CCDC73: variants seen among roughly 807,000 people sequenced by gnomAD.
CCDC73 encodes coiled-coil domain containing 73, also known as coiled-coil domain-containing protein 73.
Under a neutral mutation model 116.5 loss-of-function variants are expected in CCDC73, and 95 were observed. That is an observed-to-expected ratio of 0.82 (90% CI 0.69 to 0.97). CCDC73 has a LOEUF of 0.97. Among genes scored for constraint, CCDC73 ranks in the 50% least tolerant of loss-of-function variants. CCDC73 has a pLI of 0.00. For missense variants in CCDC73, 1,066 were observed against 1,206.8 expected, an observed-to-expected ratio of 0.88 and a Z score of 1.73; for synonymous variants, 398 against 401.3, an observed-to-expected ratio of 0.99 and a Z score of 0.10.
Position 32,614,750 on chromosome 11 carries a change from T to C in CCDC73, c.1568A>G (p.Glu523Gly). 1 of 1,613,250 alleles carries C rather than the reference T, an allele frequency of 6.2e-7. No homozygotes were observed. ...AAATTCTGTACATCCATTGTCTTTT[T>C]CCAAGCATATCTTGTCTTTTATTTC... Reference protein sequence around the residue: ...TTEIKDKICLEKDNGCTEFKS... With the variant: ...TTEIKDKICLGKDNGCTEFKS... Residue 523 changes from glutamate (E) to glycine (G), a missense_variant, in exon 16 of 18, where the codon GAA becomes GGA. Coordinates refer to ENST00000335185, the MANE Select transcript of CCDC73 (RefSeq NM_001008391.4).
chr11:32,784,405 A>G (rs1252757545), intron 1 of CCDC73, among the ~76,000 whole-genome samples: 1 of 152,216 alleles, frequency 6.6e-6, no homozygotes, highest in African/African-American at 2.4e-5. Flanking sequence ...AGAATATTAC[A>G]ATAGTTCAGC....
chr11:32,638,038 A>G (rs1855697911), intron 13 of CCDC73, among the ~76,000 whole-genome samples: 1 of 152,176 alleles, frequency 6.6e-6, no homozygotes, highest in African/African-American at 2.4e-5. Flanking sequence ...GAGTTATACC[A>G]ACCTGAGACT....
At chr11:32,675,828 A>G (rs1458835946) in intron 8 of CCDC73, 58 bp downstream of exon 8, 4 of 1,405,564 alleles carry the variant, frequency 2.8e-6, no homozygotes, top group Middle Eastern at 1.9e-4. Context: ...TTCATAGTAA[A>G]TAAGTCCATT....
At chr11:32,771,981 G>C (rs113940143) in intron 1 of CCDC73, among the ~76,000 whole-genome samples, 4 of 152,276 alleles carry the variant, frequency 2.6e-5, no homozygotes, top group African/African-American at 9.6e-5. Flanking sequence ...CATGGAGAGA[G>C]GAGGCCCAGC....
At chr11:32,775,509 C>A (rs1590641998) in intron 1 of CCDC73, among the ~76,000 whole-genome samples, 1 of 152,240 alleles carries the variant, frequency 6.6e-6, no homozygotes, top group East Asian at 1.9e-4. Flanking sequence ...TATTATACCT[C>A]CTCCTTTAAA....
intron 12 of CCDC73, among the ~76,000 whole-genome samples, chr11:32,650,677 G>A (rs1429311925): frequency 6.6e-6 from 1 of 152,080 alleles, no homozygotes; most frequent in Non-Finnish European, 1.5e-5. Context: ...TCTGACATTA[G>A]GATACCACCT....
upstream of CCDC73, among the ~76,000 whole-genome samples, chr11:32,797,446 GTC>G (rs1183536178): frequency 6.6e-6 from 1 of 152,080 alleles, no homozygotes; most frequent in Non-Finnish European, 1.5e-5. Context: ...GCTCTTTACT[GTC>G]TCTAGGCCTA....
chr11:32,675,835 C>CTACTATTCTACAT, intron 8 of CCDC73, 51 bp downstream of exon 8: 1 of 1,432,020 alleles, frequency 7.0e-7, no homozygotes, highest in Non-Finnish European at 9.5e-7. Context: ...TAAATAAGTC[C>CTACTATTCTACAT]ATTCAAACAT....
At chr11:32,640,752 T>C (rs968264990) in intron 13 of CCDC73, among the ~76,000 whole-genome samples, 7 of 152,182 alleles carry the variant, frequency 4.6e-5, no homozygotes, top group African/African-American at 1.7e-4. Flanking sequence ...GCGATGTGGC[T>C]CACGCCTGTA....
chr11:32,713,224 C>A (rs1849917355), intron 3 of CCDC73, among the ~76,000 whole-genome samples: 2 of 151,968 alleles, frequency 1.3e-5, no homozygotes, highest in African/African-American at 2.4e-5. Context: ...CAACTGACCC[C>A]TAAATCATGA....
intron 1 of CCDC73, among the ~76,000 whole-genome samples, chr11:32,792,615 T>C (rs1039646491): frequency 7.9e-5 from 12 of 152,296 alleles, no homozygotes; most frequent in Admixed American, 4.6e-4. Flanking sequence ...CCTCCAACTG[T>C]CTTGAGGTAC....
At chr11:32,619,189 T>A (rs1855500701) in intron 14 of CCDC73, among the ~76,000 whole-genome samples, 1 of 152,230 alleles carries the variant, frequency 6.6e-6, no homozygotes, top group Non-Finnish European at 1.5e-5. Context: ...ACTTGTCAAT[T>A]TTTGTTTTTG....
At chr11:32,754,878 CTTTTTTT>C (rs34982926) in intron 2 of CCDC73, among the ~76,000 whole-genome samples, 1 of 86,566 alleles carries the variant, frequency 1.2e-5, no homozygotes, top group Non-Finnish European at 2.2e-5. Context: ...ATGGCTTCAA[CTTTTTTT>C]TTTTTTTTTT....
At chr11:32,758,224 A>G in intron 2 of CCDC73, 1 of 269,594 alleles carries the variant, frequency 3.7e-6, no homozygotes, top group South Asian at 3.9e-5. Flanking sequence ...ATTATTAAAA[A>G]CATTTTCCTC....
At chr11:32,754,513 A>G (rs1304085880) in intron 2 of CCDC73, among the ~76,000 whole-genome samples, 1 of 152,210 alleles carries the variant, frequency 6.6e-6, no homozygotes, top group Admixed American at 6.5e-5. Context: ...GAAGTTTTTC[A>G]TAACATTCAG....
At chr11:32,728,987 G>A (rs534217724) in intron 2 of CCDC73, among the ~76,000 whole-genome samples, 2 of 150,928 alleles carry the variant, frequency 1.3e-5, no homozygotes, top group East Asian at 3.9e-4. Flanking sequence ...TTATAGGCAT[G>A]AGCCACCCTG....
chr11:32,824,855 G>A, the CCDC73 span, among the ~76,000 whole-genome samples: 3 of 152,204 alleles, frequency 2.0e-5, no homozygotes, highest in Middle Eastern at 3.2e-3. Flanking sequence ...AGGTCAAGGC[G>A]GGAAGATCCC....
At chr11:32,744,196 G>T (rs1280510527) in intron 2 of CCDC73, among the ~76,000 whole-genome samples, 1 of 152,096 alleles carries the variant, frequency 6.6e-6, no homozygotes, top group East Asian at 1.9e-4. Context: ...TTCTGTTTAT[G>T]TGATAGATTA....
chr11:32,655,108 A>C, intron 9 of CCDC73, 136 bp from the exon 10 acceptor site: 1 of 685,932 alleles, frequency 1.5e-6, no homozygotes, highest in Non-Finnish European at 2.3e-6. Flanking sequence ...GTTCCCTTGC[A>C]AGATTAGCCA....
Sources: gnomAD v4.1 joint callset for allele counts (sites outside exome capture counted in the v4.1 genomes callset) on GRCh38, gnomAD v4.1.1 for gene constraint, MANE v1.5 for transcripts, NCBI Gene and HGNC (gene_info 2026-07-23, HGNC 2026-07-21) for gene names.